PAQR5: variants seen among roughly 807,000 people sequenced by gnomAD.
PAQR5 encodes the protein membrane progestin receptor gamma.
In PAQR5, 20 loss-of-function variants were observed where a neutral mutation model predicts 34.5. That is an observed-to-expected ratio of 0.58 (90% CI 0.41 to 0.84). The LOEUF (loss-of-function observed/expected upper bound fraction) is 0.84. Among genes scored for constraint, PAQR5 ranks in the 40% least tolerant of loss-of-function variants. PAQR5 has a pLI of 0.00. For synonymous variants in PAQR5, 131 were observed against 155.6 expected (o/e 0.84, Z 1.18); for missense variants, 378 against 412.7 (o/e 0.92, Z 0.73).
intron 1 of PAQR5, among the ~76,000 whole-genome samples, chr15:69,307,769 T>A (rs1566990274): frequency 1.3e-5 from 2 of 151,608 alleles, no homozygotes; most frequent in Admixed American, 6.6e-5. Context: ...GAAGACCAAG[T>A]GAGAGAAAGC....
At chr15:69,363,678 A>G (rs1464897723) in intron 3 of PAQR5, among the ~76,000 whole-genome samples, 1 of 151,326 alleles carries the variant, frequency 6.6e-6, no homozygotes. Context: ...TCAACCTCTC[A>G]AGTAGCTGGG....
chr15:69,319,158 CATATATATATATATATATAT>C lies in PAQR5; in HGVS notation c.-276-18148_-276-18129del, dbSNP rs869082537. On this transcript the variant is annotated intron_variant, in intron 1 of 8. Transcript: ENST00000395407. ...CAAAAAATATATATATAAATATATA[CATATATATATATATATATAT>C]ATATATATATATATATATATATATA... Among the ~76,000 whole-genome samples the C allele has an allele frequency of 0.036, 154 of 4,248 alleles. No individual in the cohort carries two copies. In the South Asian group the frequency reaches 0.4, roughly 11 times the overall value. The allele number at this position is 4,248 out of a possible 152,430, so 2.8% of individuals were successfully genotyped here.
intron 8 of PAQR5, among the ~76,000 whole-genome samples, chr15:69,402,000 C>T (rs1375573742): frequency 6.6e-6 from 1 of 152,180 alleles, no homozygotes; most frequent in Non-Finnish European, 1.5e-5. Flanking sequence ...TCCCAAAGTG[C>T]TGGGATTACA....
chr15:69,330,433 A>C (rs550625259), intron 1 of PAQR5, among the ~76,000 whole-genome samples: 68 of 152,280 alleles, frequency 4.5e-4, no homozygotes, highest in African/African-American at 1.2e-3. Flanking sequence ...ATTAGAAATT[A>C]TGGTTTAGGA....
chr15:69,386,848 TC>T (rs2056125225), intron 5 of PAQR5, among the ~76,000 whole-genome samples: 1 of 151,946 alleles, frequency 6.6e-6, no homozygotes, highest in African/African-American at 2.4e-5. Flanking sequence ...CTGTACCTGC[TC>T]CCGCCCCTGC....
chr15:69,338,443 A>G (rs192405569), intron 2 of PAQR5, among the ~76,000 whole-genome samples: 24 of 152,334 alleles, frequency 1.6e-4, no homozygotes, highest in African/African-American at 5.8e-4. Context: ...TCACTTAAAC[A>G]CTGTAGTAAA....
intron 1 of PAQR5, among the ~76,000 whole-genome samples, chr15:69,332,058 C>G (rs926180076): frequency 1.3e-5 from 2 of 152,152 alleles, no homozygotes; most frequent in African/African-American, 4.8e-5. Flanking sequence ...GAAATTCTTA[C>G]CAGCGAAGAT....
intron 1 of PAQR5, among the ~76,000 whole-genome samples, chr15:69,332,779 TAAAAAA>T (rs56280711): frequency 5.0e-5 from 3 of 59,792 alleles, no homozygotes; most frequent in East Asian, 5.5e-4. Flanking sequence ...CTAAATCTTG[TAAAAAA>T]AAAAAAAAAA....
intron 7 of PAQR5, chr15:69,397,810 C>T: frequency 3.6e-6 from 2 of 558,474 alleles, no homozygotes; most frequent in East Asian, 3.0e-5. Flanking sequence ...CTTATGTCTT[C>T]CTTTTTCTAC....
intron 3 of PAQR5, among the ~76,000 whole-genome samples, chr15:69,371,057 A>C (rs2140887928): frequency 6.6e-6 from 1 of 152,306 alleles, no homozygotes; most frequent in South Asian, 2.1e-4. Context: ...AAGTTGAGTT[A>C]TAGTGTTGTA....
chr15:69,358,309 A>G (rs921438621), intron 2 of PAQR5, among the ~76,000 whole-genome samples: 8 of 152,132 alleles, frequency 5.3e-5, no homozygotes, highest in Non-Finnish European at 1.2e-4. Flanking sequence ...CTCTGTCTCC[A>G]ACAAGTGCCT....
intron 1 of PAQR5, among the ~76,000 whole-genome samples, chr15:69,301,400 T>C (rs1170010211): frequency 6.6e-6 from 1 of 152,206 alleles, no homozygotes; most frequent in Non-Finnish European, 1.5e-5. Context: ...AGCTTGGCTC[T>C]ACCCTAGACT....
At chr15:69,334,148 C>T (rs1428142997) in intron 1 of PAQR5, among the ~76,000 whole-genome samples, 1 of 152,164 alleles carries the variant, frequency 6.6e-6, no homozygotes, top group Non-Finnish European at 1.5e-5. Context: ...CTGCCTCAGC[C>T]TCCCAAGTTG....
chr15:69,362,211 C>CATAA (rs2055253105), intron 3 of PAQR5, among the ~76,000 whole-genome samples: 1 of 152,132 alleles, frequency 6.6e-6, no homozygotes, highest in South Asian at 2.1e-4. Flanking sequence ...TCCAGTTTTT[C>CATAA]GTAAGTTAGA....
At chr15:69,305,598 G>A (rs138642017) in intron 1 of PAQR5, among the ~76,000 whole-genome samples, 135 of 152,138 alleles carry the variant, frequency 8.9e-4, no homozygotes, top group Non-Finnish European at 1.6e-3. Context: ...GCGGGGCAGC[G>A]TGGTGAGTAA....
chr15:69,380,809 G>A (rs879546628), intron 4 of PAQR5, among the ~76,000 whole-genome samples: 73 of 152,248 alleles, frequency 4.8e-4, no homozygotes, highest in African/African-American at 1.3e-3. Context: ...AGACACAGCC[G>A]AGAGACGGGG....
rs1489852274 is a variant in PAQR5 at position 69,367,777 on chromosome 15, G to A, written c.51+7646G>A. Among the ~76,000 whole-genome samples, 4 of 152,240 alleles carry A rather than the reference G, an allele frequency of 2.6e-5. 1 individual carries two copies. The highest frequency in any genetic ancestry group is 2.6e-4 in the Admixed American group (4 of 15,284). On this transcript the variant is annotated intron_variant, in intron 3 of 8. Coordinates refer to ENST00000395407, the MANE Select transcript of PAQR5 (RefSeq NM_017705.4). ...TCTCAGGAACAACCCCTGCAAGGAT[G>A]TGAAGGAGGCGGGATTGTGCAGAAG...
chr15:69,395,293 C>T (rs911361699), intron 6 of PAQR5, among the ~76,000 whole-genome samples: 4 of 152,222 alleles, frequency 2.6e-5, no homozygotes, highest in African/African-American at 9.6e-5. Flanking sequence ...TCTGAGTCTG[C>T]GCAGCCTACT....
chr15:69,378,362 A>C (rs1476551540), intron 3 of PAQR5, among the ~76,000 whole-genome samples: 8 of 136,332 alleles, frequency 5.9e-5, no homozygotes, highest in Admixed American at 3.3e-4. Flanking sequence ...CATTTGAGCC[A>C]GGAGTTTGAG....
Sources: allele counts gnomAD v4.1 joint callset (sites outside exome capture counted in the v4.1 genomes callset), GRCh38; gene constraint gnomAD v4.1.1; transcripts MANE v1.5; gene names NCBI Gene and HGNC (gene_info 2026-07-23, HGNC 2026-07-21).